Variants in DMD observed in about 807,000 individuals in gnomAD.
DMD encodes the protein dystrophin.
A neutral mutation model predicts 330.1 loss-of-function variants in DMD; 63 were observed. The ratio of observed to expected loss-of-function variants is 0.19; its 90% CI spans 0.16 to 0.24. DMD has a LOEUF of 0.24. DMD is among the 10% of genes least tolerant of loss of function. DMD has a pLI of 1.00. For missense variants in DMD, 3,344 were observed against 2,684.1 expected (o/e 1.25, Z -5.43); for synonymous variants, 1,223 against 959.8 (o/e 1.27, Z -5.07).
At chrX:31,471,096 G>A (rs1046465874) in intron 59 of DMD, among the ~76,000 whole-genome samples, 1 of 111,632 alleles carries the variant, frequency 9.0e-6, no homozygotes, top group Admixed American at 9.5e-5. Context: ...TCCGTTGGGG[G>A]TGGGATCCAC....
At chrX:32,879,544 T>C (rs2083706828) in intron 2 of DMD, among the ~76,000 whole-genome samples, 1 of 112,614 alleles carries the variant, frequency 8.9e-6, no homozygotes, top group South Asian at 3.7e-4. Flanking sequence ...TCGTCGTTCA[T>C]TCAAAAAATA....
rs201931479 is a variant in DMD at position 31,139,472 on chromosome X, T to TAC, written c.10922-5279_10922-5278insGT. The stretch of plus-strand genomic sequence containing the variant: ...AAATGCAGTATGTACGTGGTGTTTA[T>TAC]ATACACACACACACACACACACACA... On this transcript the variant is annotated intron_variant, in intron 76 of 78. Coordinates refer to ENST00000357033, the MANE Select transcript of DMD (RefSeq NM_004006.3). 3.5e-3 allele frequency among the ~76,000 whole-genome samples: 290 copies of TAC among 83,450 alleles called. 2 individuals are homozygous for TAC. Among genetic ancestry groups the TAC allele is most frequent in the South Asian group, 0.013 (24 of 1,920 alleles). 72.5% of individuals were successfully genotyped at this position (83,450 alleles called of 115,157 possible).
intron 60 of DMD, among the ~76,000 whole-genome samples, chrX:31,426,326 T>C (rs1380220983): frequency 9.0e-6 from 1 of 111,707 alleles, no homozygotes; most frequent in Admixed American, 9.6e-5. Flanking sequence ...AAGACAAACT[T>C]AAGAACTTTA....
chrX:33,178,023 C>A (rs2148726415), intron 1 of DMD, among the ~76,000 whole-genome samples: 1 of 112,203 alleles, frequency 8.9e-6, no homozygotes, highest in African/African-American at 3.2e-5. Context: ...TTAGTAACAA[C>A]CTAGTAACAC....
At chrX:33,175,781 G>A (rs2049615094) in intron 1 of DMD, among the ~76,000 whole-genome samples, 1 of 111,574 alleles carries the variant, frequency 9.0e-6, no homozygotes, top group African/African-American at 3.3e-5. Context: ...AGCAAATACC[G>A]GCTATGCTGT....
At chrX:33,013,168 C>A in intron 2 of DMD, among the ~76,000 whole-genome samples, 1 of 110,727 alleles carries the variant, frequency 9.0e-6, no homozygotes, top group Middle Eastern at 4.6e-3. Context: ...AGTCCATTTT[C>A]TTGGGTCCTA....
intron 20 of DMD, among the ~76,000 whole-genome samples, chrX:32,486,561 G>A (rs1322165476): frequency 9.0e-6 from 1 of 110,575 alleles, no homozygotes; most frequent in African/African-American, 3.3e-5. Flanking sequence ...TAAGCCAACA[G>A]GACAAAGCTG....
At chrX:31,213,029 G>A (rs1233955855) in intron 64 of DMD, among the ~76,000 whole-genome samples, 1 of 112,616 alleles carries the variant, frequency 8.9e-6, no homozygotes, top group Non-Finnish European at 1.9e-5. Context: ...AGAAAGAGGT[G>A]AGTAATGGTG....
intron 54 of DMD, among the ~76,000 whole-genome samples, chrX:31,646,253 TTGTGTGTGTGTG>T (rs3032279): frequency 1.9e-5 from 2 of 103,019 alleles, no homozygotes; most frequent in South Asian, 4.3e-4. Flanking sequence ...GTGTTGTGTG[TTGTGTGTGTGTG>T]TGTGTGTGTG....
intron 1 of DMD, among the ~76,000 whole-genome samples, chrX:33,174,748 T>A (rs1210472618): frequency 8.9e-6 from 1 of 111,881 alleles, no homozygotes; most frequent in African/African-American, 3.2e-5. Context: ...ACATTAGAGA[T>A]AATCACTTAA....
intron 2 of DMD, among the ~76,000 whole-genome samples, chrX:32,980,139 G>A (rs938982619): frequency 2.7e-5 from 3 of 110,319 alleles, no homozygotes; most frequent in Non-Finnish European, 5.7e-5. Flanking sequence ...GCCGAGGCGG[G>A]CAGATCACTT....
At chrX:32,051,150 AT>A (rs1291381386) in intron 44 of DMD, among the ~76,000 whole-genome samples, 1 of 108,319 alleles carries the variant, frequency 9.2e-6, no homozygotes, top group Non-Finnish European at 1.9e-5. Context: ...ACAATTACTG[AT>A]TTTTTTTCAA....
intron 29 of DMD, among the ~76,000 whole-genome samples, chrX:32,427,284 C>G (rs2098217067): frequency 9.0e-6 from 1 of 111,179 alleles, no homozygotes; most frequent in African/African-American, 3.3e-5. Flanking sequence ...GAGCTGTCAT[C>G]TGAGTATGTT....
intron 44 of DMD, among the ~76,000 whole-genome samples, chrX:32,070,604 T>A (rs890037880): frequency 9.0e-6 from 1 of 111,124 alleles, no homozygotes; most frequent in African/African-American, 3.3e-5. Context: ...TGTATGTACG[T>A]GTGTCTATAT....
chrX:32,286,823 A>T (rs1002888673), intron 43 of DMD, among the ~76,000 whole-genome samples: 1 of 111,744 alleles, frequency 8.9e-6, no homozygotes, highest in African/African-American at 3.3e-5. Context: ...TTCCTCTGAG[A>T]ATAATTAAGA....
chrX:32,424,518 A>C (rs1398990470), intron 29 of DMD, among the ~76,000 whole-genome samples: 1 of 111,946 alleles, frequency 8.9e-6, no homozygotes, highest in Non-Finnish European at 1.9e-5. Flanking sequence ...GTGTACAAAT[A>C]ACCAAATGTA....
chrX:33,292,070 G>T (rs1055873869), intron 1 of DMD, among the ~76,000 whole-genome samples: 1 of 111,048 alleles, frequency 9.0e-6, no homozygotes, highest in Non-Finnish European at 1.9e-5. Flanking sequence ...TAATTACCAC[G>T]GTGGGTTTGT....
chrX:32,311,321 C>A (rs2097561553), intron 41 of DMD, among the ~76,000 whole-genome samples: 1 of 110,940 alleles, frequency 9.0e-6, no homozygotes, highest in African/African-American at 3.3e-5. Context: ...TTTATGACAA[C>A]ACCATACTTA....
intron 17 of DMD, among the ~76,000 whole-genome samples, chrX:32,537,061 G>A (rs1360267417): frequency 9.0e-6 from 1 of 111,566 alleles, no homozygotes; most frequent in African/African-American, 3.3e-5. Flanking sequence ...ACATTTGGAG[G>A]GATTTAGTGA....
Sources: gnomAD v4.1 joint callset for allele counts (sites outside exome capture counted in the v4.1 genomes callset) on GRCh38, gnomAD v4.1.1 for gene constraint, MANE v1.5 for transcripts, NCBI Gene and HGNC (gene_info 2026-07-23, HGNC 2026-07-21) for gene names.